DLG2: variants seen among roughly 807,000 people sequenced by gnomAD.
The protein encoded by DLG2 is discs large MAGUK scaffold protein 2, also known as disks large homolog 2.
Under a neutral mutation model 132.5 loss-of-function variants are expected in DLG2, and 45 were observed. The ratio of observed to expected loss-of-function variants is 0.34; its 90% CI spans 0.27 to 0.44. The LOEUF (loss-of-function observed/expected upper bound fraction) is 0.44, where lower values mean the gene tolerates loss of function less well. DLG2 is among the 20% of genes least tolerant of loss of function. The pLI is 1.00. For missense variants in DLG2, 1,045 were observed against 1,196.9 expected, an observed-to-expected ratio of 0.87 and a Z score of 1.87; for synonymous variants, 424 against 419.6, an observed-to-expected ratio of 1.01 and a Z score of -0.13.
intron 18 of DLG2, among the ~76,000 whole-genome samples, chr11:83,688,402 T>C (rs899057461): frequency 6.6e-6 from 1 of 152,112 alleles, no homozygotes; most frequent in African/African-American, 2.4e-5. Context: ...TAAAAAAGCT[T>C]TCAGTAAATG....
chr11:85,467,784 GTC>G (rs898138114), intron 3 of DLG2, among the ~76,000 whole-genome samples: 11 of 152,050 alleles, frequency 7.2e-5, no homozygotes, highest in Admixed American at 1.3e-4. Flanking sequence ...TTTTTGTTAT[GTC>G]TCTGCCAGGC....
chr11:83,753,774 G>T (rs1406055629), intron 18 of DLG2, among the ~76,000 whole-genome samples: 1 of 127,728 alleles, frequency 7.8e-6, no homozygotes, highest in Non-Finnish European at 1.6e-5. Flanking sequence ...ATATGATATG[G>T]CATATATATG....
chr11:83,457,308 C>CA lies in DLG2; in HGVS notation c.*2509dup, dbSNP rs1296277268. The CA allele has an allele frequency of 6.6e-6, 1 of 152,618 alleles. No individual in the cohort carries two copies. Among genetic ancestry groups the CA allele is most frequent in the African/African-American group, 2.4e-5 (1 of 41,434 alleles). 9.5% of individuals were successfully genotyped at this position (152,618 alleles called of 1,614,324 possible). On this transcript the variant is annotated 3_prime_UTR_variant, in exon 28 of 28. Coordinates refer to ENST00000376104, the MANE Select transcript of DLG2 (RefSeq NM_001142699.3). ...CACCAGTTCATTGGAGCCATAGAGA[C>CA]ATCAACATTGGGAAGTGCAAGACAA...
chr11:84,502,463 T>G (rs144507112), intron 7 of DLG2, among the ~76,000 whole-genome samples: 3 of 147,916 alleles, frequency 2.0e-5, no homozygotes, highest in African/African-American at 7.6e-5. Flanking sequence ...TGTCTCAATC[T>G]CGGCTCACTG....
intron 7 of DLG2, among the ~76,000 whole-genome samples, chr11:84,365,223 T>C (rs1234227527): frequency 2.0e-5 from 3 of 152,200 alleles, no homozygotes; most frequent in Non-Finnish European, 2.9e-5. Context: ...ATTCAACTTC[T>C]TCCTGGTTTA....
chr11:83,831,615 T>C (rs2054548616), intron 17 of DLG2, among the ~76,000 whole-genome samples: 1 of 151,992 alleles, frequency 6.6e-6, no homozygotes, highest in African/African-American at 2.4e-5. Flanking sequence ...AAATATAAGG[T>C]AAATTATAAG....
chr11:84,512,364 T>C (rs2099259438), intron 7 of DLG2, among the ~76,000 whole-genome samples: 1 of 152,102 alleles, frequency 6.6e-6, no homozygotes, highest in African/African-American at 2.4e-5. Flanking sequence ...AAAATAGAAC[T>C]GACAGTACCT....
intron 6 of DLG2, among the ~76,000 whole-genome samples, chr11:84,922,436 C>T (rs904120071): frequency 3.9e-5 from 6 of 152,152 alleles, no homozygotes; most frequent in African/African-American, 7.2e-5. Flanking sequence ...ATCTCCCAAA[C>T]TTGGGCTCAA....
At chr11:85,516,829 A>G (rs1334637130) in intron 3 of DLG2, among the ~76,000 whole-genome samples, 3 of 152,114 alleles carry the variant, frequency 2.0e-5, no homozygotes, top group Non-Finnish European at 4.4e-5. Flanking sequence ...TTCACAGCTG[A>G]ATTCCACCAA....
intron 21 of DLG2, among the ~76,000 whole-genome samples, chr11:83,520,331 T>C (rs1432043): frequency 0.35 from 53,687 of 151,854 alleles, 9,563 homozygotes; most frequent in Middle Eastern, 0.46. Flanking sequence ...CGGTTATCAC[T>C]ACTAACAAAT....
intron 3 of DLG2, among the ~76,000 whole-genome samples, chr11:85,353,028 G>A (rs1286485940): frequency 1.3e-5 from 2 of 152,042 alleles, no homozygotes; most frequent in Non-Finnish European, 1.5e-5. Context: ...AGCAAAAGAA[G>A]CTACCATCAG....
At chr11:85,117,505 A>G (rs1391474574) in intron 5 of DLG2, among the ~76,000 whole-genome samples, 2 of 151,954 alleles carry the variant, frequency 1.3e-5, no homozygotes, top group Non-Finnish European at 2.9e-5. Context: ...GGAAGGCAAA[A>G]AACACAATTC....
chr11:83,963,158 G>C (rs182025540), intron 13 of DLG2, 135 bp from the exon 14 acceptor site: 5 of 901,382 alleles, frequency 5.5e-6, no homozygotes, highest in East Asian at 2.5e-5. Context: ...CTCCCAGAGG[G>C]GGGAGTTGCA....
In DLG2 at chr11:83,491,105, A is replaced by G. The variant is rs531583087; in HGVS notation, c.2194-6877T>C. ...AAAATACTTAATAAAAGTAGCTAAT[A>G]GCAGGAAAAATGTTTGTTTCCTTTT... On this transcript the variant is annotated intron_variant, in intron 21 of 27. Coordinates refer to ENST00000376104, the MANE Select transcript of DLG2 (RefSeq NM_001142699.3). Among the ~76,000 whole-genome samples the G allele has an allele frequency of 1.2e-3, 170 of 145,852 alleles. 1 individual carries two copies. The Middle Eastern group carries it at 0.018, about 15-fold the overall frequency.
At chr11:85,332,898 T>C (rs1022994825) in intron 3 of DLG2, among the ~76,000 whole-genome samples, 2 of 152,210 alleles carry the variant, frequency 1.3e-5, no homozygotes, top group Non-Finnish European at 2.9e-5. Context: ...GCCTCCAGCT[T>C]TGTTCTTTTG....
intron 14 of DLG2, among the ~76,000 whole-genome samples, chr11:83,961,022 G>C (rs369080796): frequency 6.6e-6 from 1 of 152,028 alleles, no homozygotes; most frequent in Non-Finnish European, 1.5e-5. Context: ...CATATCTCAC[G>C]TGTACCGTAA....
At chr11:83,767,998 C>T (rs150846709) in intron 18 of DLG2, among the ~76,000 whole-genome samples, 213 of 152,226 alleles carry the variant, frequency 1.4e-3, no homozygotes, top group Admixed American at 7.0e-3. Flanking sequence ...CTTCATAAGA[C>T]GTAAGTTTGA....
chr11:84,054,738 C>T (rs879671085), intron 11 of DLG2, among the ~76,000 whole-genome samples: 15 of 151,914 alleles, frequency 9.9e-5, no homozygotes, highest in African/African-American at 3.4e-4. Context: ...ATACAGAGTA[C>T]GAAATTGAAA....
At chr11:84,127,825 G>A (rs1412952687) in intron 9 of DLG2, among the ~76,000 whole-genome samples, 1 of 152,024 alleles carries the variant, frequency 6.6e-6, no homozygotes, top group Non-Finnish European at 1.5e-5. Context: ...GTCCTTATTG[G>A]ATTAGGGCCC....
Sources: gnomAD v4.1 joint callset for allele counts (sites outside exome capture counted in the v4.1 genomes callset) on GRCh38, gnomAD v4.1.1 for gene constraint, MANE v1.5 for transcripts, NCBI Gene and HGNC (gene_info 2026-07-23, HGNC 2026-07-21) for gene names.